GRIK4: variants seen among roughly 807,000 people sequenced by gnomAD.
GRIK4 encodes the protein glutamate ionotropic receptor kainate type subunit 4.
Under a neutral mutation model 104.9 loss-of-function variants are expected in GRIK4, and 40 were observed. That is an observed-to-expected ratio of 0.38 (90% CI 0.30 to 0.50). The LOEUF is 0.50. Among genes scored for constraint, GRIK4 ranks in the 20% least tolerant of loss-of-function variants. GRIK4 has a pLI of 0.93. For missense variants in GRIK4, 1,047 were observed against 1,308.1 expected, an observed-to-expected ratio of 0.80 and a Z score of 3.08; for synonymous variants, 485 against 524.9, an observed-to-expected ratio of 0.92 and a Z score of 1.04.
chr11:120,583,297 G>A (rs186970007), intron 1 of GRIK4, among the ~76,000 whole-genome samples: 2 of 152,284 alleles, frequency 1.3e-5, no homozygotes, highest in African/African-American at 4.8e-5. Flanking sequence ...CATTGTATAG[G>A]TTGTCTGTTT....
At chr11:120,800,820 G>A (rs777643474) in intron 3 of GRIK4, among the ~76,000 whole-genome samples, 2 of 152,196 alleles carry the variant, frequency 1.3e-5, no homozygotes, top group Non-Finnish European at 2.9e-5. Context: ...GGATCTCTGC[G>A]TCCGCGCAGA....
intron 1 of GRIK4, among the ~76,000 whole-genome samples, chr11:120,602,711 A>C (rs944339282): frequency 1.3e-5 from 2 of 152,030 alleles, no homozygotes; most frequent in Non-Finnish European, 2.9e-5. Context: ...TCTTCTTCTT[A>C]TTAGCATTTG....
intron 13 of GRIK4, among the ~76,000 whole-genome samples, chr11:120,929,834 G>A (rs1489305884): frequency 1.7e-5 from 1 of 58,442 alleles, no homozygotes; most frequent in Non-Finnish European, 4.8e-5. Flanking sequence ...GGGAACCTAC[G>A]GCTTCAAGTC....
chr11:120,526,858 GA>G (rs1200380400), intron 1 of GRIK4, among the ~76,000 whole-genome samples: 7 of 151,330 alleles, frequency 4.6e-5, no homozygotes, highest in South Asian at 2.1e-4. Context: ...TCAAAAAAAA[GA>G]AAAAAAAAGT....
At chr11:120,646,904 A>G (rs1022330247) in intron 1 of GRIK4, among the ~76,000 whole-genome samples, 1 of 152,252 alleles carries the variant, frequency 6.6e-6, no homozygotes, top group Non-Finnish European at 1.5e-5. Flanking sequence ...CTGGTGAAGT[A>G]GGCAGGGCAG....
intron 20 of GRIK4, among the ~76,000 whole-genome samples, chr11:120,984,683 C>T (rs970961220): frequency 2.0e-5 from 3 of 151,904 alleles, no homozygotes; most frequent in Admixed American, 6.6e-5. Context: ...GCAGAAGAAT[C>T]GCTTGAACCC....
intron 1 of GRIK4, among the ~76,000 whole-genome samples, chr11:120,580,979 G>A (rs1464858399): frequency 2.6e-5 from 4 of 152,120 alleles, no homozygotes; most frequent in Non-Finnish European, 4.4e-5. Flanking sequence ...GAGGCGTATG[G>A]TTGTATCTCA....
At chr11:120,751,149 C>T (rs1271587164) in intron 3 of GRIK4, among the ~76,000 whole-genome samples, 1 of 151,912 alleles carries the variant, frequency 6.6e-6, no homozygotes, top group Admixed American at 6.6e-5. Flanking sequence ...CAGGCTTGCT[C>T]ACCACCCAGA....
intron 4 of GRIK4, among the ~76,000 whole-genome samples, chr11:120,811,059 A>C (rs1445223449): frequency 6.6e-6 from 1 of 152,184 alleles, no homozygotes; most frequent in African/African-American, 2.4e-5. Flanking sequence ...CCTGATCTAG[A>C]GATAGCCATT....
chr11:120,530,247 T>G (rs1947909560), intron 1 of GRIK4, among the ~76,000 whole-genome samples: 1 of 152,186 alleles, frequency 6.6e-6, no homozygotes, highest in African/African-American at 2.4e-5. Context: ...GCTAATAAAA[T>G]TTGAGTTTAA....
chr11:120,930,002 T>TGGGGG lies in GRIK4; in HGVS notation c.1477-10339_1477-10335dup, dbSNP rs61317737. Reference sequence around the variant, plus strand: ...AAGGGGCTCGAGGGCAGGCCACGTTTGGGGGGGGGGTCCCCTCCTTACCCA... The same window carrying TGGGGG: ...AAGGGGCTCGAGGGCAGGCCACGTTTGGGGGGGGGGGGGGGTCCCCTCCTTACCCA... On this transcript the variant is annotated intron_variant, in intron 13 of 20. Coordinates refer to ENST00000527524, the MANE Select transcript of GRIK4 (RefSeq NM_014619.5). Among the ~76,000 whole-genome samples the TGGGGG allele has an allele frequency of 4.7e-5, 7 of 150,272 alleles. No homozygotes were observed. The East Asian group carries it at 5.9e-4, about 13-fold the overall frequency.
At chr11:120,633,251 A>G (rs1338413980) in intron 1 of GRIK4, among the ~76,000 whole-genome samples, 1 of 152,172 alleles carries the variant, frequency 6.6e-6, no homozygotes, top group Non-Finnish European at 1.5e-5. Context: ...TATTTAAAGT[A>G]CTTAAATGGC....
At chr11:120,780,500 G>A (rs1303920312) in intron 3 of GRIK4, among the ~76,000 whole-genome samples, 4 of 152,300 alleles carry the variant, frequency 2.6e-5, no homozygotes, top group East Asian at 1.9e-4. Context: ...TCCGTTGTAT[G>A]TATGTATTTT....
intron 4 of GRIK4, among the ~76,000 whole-genome samples, chr11:120,814,336 A>G (rs1952888356): frequency 6.6e-6 from 1 of 152,188 alleles, no homozygotes; most frequent in Non-Finnish European, 1.5e-5. Context: ...GCGGTGGCTC[A>G]TGCCTGTAAT....
In GRIK4 at chr11:120,591,762, G is replaced by A. The variant is rs1948736600; in HGVS notation, c.-158-61923G>A. Among the ~76,000 whole-genome samples, 3 of 152,330 alleles carry A rather than the reference G, an allele frequency of 2.0e-5. No individual in the cohort carries two copies. In the South Asian group the frequency reaches 6.2e-4, roughly 32 times the overall value. The stretch of plus-strand genomic sequence containing the variant: ...ATAGACAAACATTTTGGGTACAAGT[G>A]AAGTGCTGATGCTTGCATTTTTATA... On this transcript the variant is annotated intron_variant, in intron 1 of 20. Transcript: ENST00000527524.
At chr11:120,924,422 T>TA (rs1249416730) in intron 13 of GRIK4, among the ~76,000 whole-genome samples, 1 of 151,856 alleles carries the variant, frequency 6.6e-6, no homozygotes, top group Admixed American at 6.6e-5. Context: ...TCACTTAACT[T>TA]AAAAAAATAT....
At chr11:120,822,888 G>A (rs917882965) in intron 6 of GRIK4, among the ~76,000 whole-genome samples, 1 of 152,152 alleles carries the variant, frequency 6.6e-6, no homozygotes, top group Non-Finnish European at 1.5e-5. Context: ...GTTTGACCAT[G>A]AGCCAAAAAA....
chr11:120,710,196 G>A (rs768590446), intron 3 of GRIK4, among the ~76,000 whole-genome samples: 11 of 144,400 alleles, frequency 7.6e-5, no homozygotes, highest in Non-Finnish European at 4.5e-5. Flanking sequence ...CTAGTAACTC[G>A]GAGAAATAGG....
At chr11:120,738,472 T>C (rs1480304704) in intron 3 of GRIK4, among the ~76,000 whole-genome samples, 7 of 152,228 alleles carry the variant, frequency 4.6e-5, no homozygotes, top group African/African-American at 1.4e-4. Context: ...TCAGCCCCAA[T>C]GGCAGGGCAC....
Sources: gnomAD v4.1 joint callset for allele counts (sites outside exome capture counted in the v4.1 genomes callset) on GRCh38, gnomAD v4.1.1 for gene constraint, MANE v1.5 for transcripts, NCBI Gene and HGNC (gene_info 2026-07-23, HGNC 2026-07-21) for gene names.